Variants in EXOSC10 observed in about 807,000 individuals in gnomAD.
EXOSC10 encodes exosome component 10.
EXOSC10 carries 94 observed loss-of-function variants against 126.6 expected under a neutral mutation model. The observed-to-expected ratio is 0.74, with a 90% CI of 0.63 to 0.88. The LOEUF is 0.88. Among genes scored for constraint, EXOSC10 ranks in the 40% least tolerant of loss-of-function variants. EXOSC10 has a pLI of 0.00. For synonymous variants in EXOSC10, 395 were observed against 400.8 expected (o/e 0.99, Z 0.17); for missense variants, 1,041 against 1,100.5 (o/e 0.95, Z 0.77).
At chr1:11,071,241 G>A in intron 20 of EXOSC10, 1 of 449,808 alleles carries the variant, frequency 2.2e-6, no homozygotes, top group Non-Finnish European at 3.9e-6. Context: ...GTGGCCTGTG[G>A]ACCTGAGGGC....
chr1:11,090,811 G>T, intron 5 of EXOSC10, 143 bp from the exon 6 acceptor site: 1 of 809,360 alleles, frequency 1.2e-6, no homozygotes. Context: ...AAGTGTGGTG[G>T]CACAAGCACA....
chr1:11,071,995 A>G, intron 20 of EXOSC10, 92 bp downstream of exon 20: 2 of 1,037,170 alleles, frequency 1.9e-6, no homozygotes, highest in Non-Finnish European at 2.9e-6. Context: ...CAGGGGCTTC[A>G]TTCATCGCCG....
At chr1:11,077,503 T>G in intron 15 of EXOSC10, 60 bp from the exon 16 acceptor site, 1 of 1,601,886 alleles carries the variant, frequency 6.2e-7, no homozygotes, top group Non-Finnish European at 8.6e-7. Flanking sequence ...AGTAGCTTTC[T>G]GCCAGCTGTC....
chr1:11,079,960 A>G (rs1640054697), intron 13 of EXOSC10, 138 bp from the exon 14 acceptor site: 4 of 696,088 alleles, frequency 5.7e-6, no homozygotes, highest in African/African-American at 1.8e-5. Flanking sequence ...GGAAACACTG[A>G]TGTCAGGCCA....
Position 11,091,002 on chromosome 1 carries a change from T to C in EXOSC10, c.643+12A>G. The C allele has an allele frequency of 6.2e-7, 1 of 1,612,710 alleles. No individual in the cohort carries two copies. Among genetic ancestry groups the C allele is most frequent in the Non-Finnish European group, 8.5e-7 (1 of 1,179,366 alleles). ...GTGAGACTCAAACACAGGCAAAGTA[T>C]GCACTATTTACCTTGAGGGAGAGGT... On this transcript the variant is annotated intron_variant, in intron 5 of 24. Coordinates refer to ENST00000376936, the MANE Select transcript of EXOSC10 (RefSeq NM_001001998.3).
intron 4 of EXOSC10, among the ~76,000 whole-genome samples, 156 bp from the exon 5 acceptor site, chr1:11,091,335 A>G (rs1172685291): frequency 6.6e-6 from 1 of 152,222 alleles, no homozygotes; most frequent in African/African-American, 2.4e-5. Flanking sequence ...GAAAGAGAAG[A>G]AGAGGGTGTA....
intron 10 of EXOSC10, among the ~76,000 whole-genome samples, 160 bp from the exon 11 acceptor site, chr1:11,081,398 G>A (rs868480757): frequency 2.6e-5 from 4 of 152,196 alleles, no homozygotes; most frequent in Admixed American, 1.3e-4. Flanking sequence ...ATTTTAACAT[G>A]ATAAACCATT....
At chr1:11,074,959 C>A (rs151324165) in intron 17 of EXOSC10, among the ~76,000 whole-genome samples, 137 of 152,220 alleles carry the variant, frequency 9.0e-4, no homozygotes, top group African/African-American at 3.2e-3. Flanking sequence ...TACAAGCAGA[C>A]CAAGGATCTA....
At chr1:11,066,838 C>CAGAACAGAGGA in intron 24 of EXOSC10, 90 bp from the exon 25 acceptor site, 1 of 1,488,050 alleles carries the variant, frequency 6.7e-7, no homozygotes, top group Non-Finnish European at 9.4e-7. Flanking sequence ...CTTAATCATG[C>CAGAACAGAGGA]AGAACAGAGG....
chr1:11,086,885 C>T (rs1166891920), intron 9 of EXOSC10, among the ~76,000 whole-genome samples: 6 of 152,158 alleles, frequency 3.9e-5, no homozygotes, highest in Admixed American at 6.6e-5. Context: ...CCAAAACTGA[C>T]ACCCTAACAT....
chr1:11,094,651 A>G (rs1640974251), intron 3 of EXOSC10, among the ~76,000 whole-genome samples: 2 of 139,378 alleles, frequency 1.4e-5, no homozygotes, highest in Non-Finnish European at 1.5e-5. Context: ...TCCAGGCTGG[A>G]GTGCAGTGGC....
At chr1:11,094,594 C>A (rs1415224599) in intron 3 of EXOSC10, among the ~76,000 whole-genome samples, 2 of 150,636 alleles carry the variant, frequency 1.3e-5, no homozygotes, top group Non-Finnish European at 2.9e-5. Context: ...AACCACCATG[C>A]CAGGCCACCT....
intron 1 of EXOSC10, 108 bp from the exon 2 acceptor site, chr1:11,098,264 A>T (rs954083249): frequency 7.4e-6 from 10 of 1,345,598 alleles, no homozygotes; most frequent in Non-Finnish European, 9.8e-6. Context: ...CATCCATCAA[A>T]AAAAGCACTC....
At chr1:11,077,740 C>A (rs966178903) in intron 14 of EXOSC10, 89 bp from the exon 15 acceptor site, 39 of 1,136,214 alleles carry the variant, frequency 3.4e-5, no homozygotes, top group Middle Eastern at 2.9e-4. Flanking sequence ...TATTCCTTCA[C>A]CAGCCTGTTT....
chr1:11,082,485 C>T, intron 10 of EXOSC10: 7 of 1,294,808 alleles, frequency 5.4e-6, no homozygotes, highest in Non-Finnish European at 7.2e-6. Flanking sequence ...CACAGTGTAA[C>T]TGCATCAGCC....
At chr1:11,068,897 C>A (rs1031197328) in intron 22 of EXOSC10, 191 bp from the exon 23 acceptor site, 3 of 601,100 alleles carry the variant, frequency 5.0e-6, no homozygotes, top group African/African-American at 3.7e-5. Context: ...TGTGGGCAGT[C>A]TGAAAACCAG....
rs974747101 is a variant in EXOSC10 at position 11,067,934 on chromosome 1, C to T, written c.2627+74G>A. On this transcript the variant is annotated intron_variant, in intron 24 of 24. Coordinates refer to ENST00000376936, the MANE Select transcript of EXOSC10 (RefSeq NM_001001998.3). The stretch of plus-strand genomic sequence containing the variant: ...CTGGACACTCGCTCCCCAGCTACTC[C>T]CCACGGACCACACCACGCAGGGCAG... 18 of 1,335,748 alleles carry T rather than the reference C, an allele frequency of 1.3e-5. No individual in the cohort carries two copies. The South Asian group carries it at 1.6e-4, about 12-fold the overall frequency. The allele number at this position is 1,335,748 out of a possible 1,614,324, so 82.7% of individuals were successfully genotyped here.
In EXOSC10 at chr1:11,097,188, C is replaced by G. The variant is rs553409731; in HGVS notation, c.248+832G>C. Reference sequence around the variant, plus strand: ...TCACGCCACTGCACTTCAGCCTGGGCGACAGAGCAAGACTCCGTACTCCCC... The same window carrying G: ...TCACGCCACTGCACTTCAGCCTGGGGGACAGAGCAAGACTCCGTACTCCCC... On this transcript the variant is annotated intron_variant, in intron 2 of 24. Coordinates refer to ENST00000376936, the MANE Select transcript of EXOSC10 (RefSeq NM_001001998.3). Among the ~76,000 whole-genome samples, 65 of 150,284 alleles carry G rather than the reference C, an allele frequency of 4.3e-4. 1 individual carries two copies. The highest frequency in any genetic ancestry group is 1.8e-4 in the Non-Finnish European group (12 of 67,650).
At chr1:11,099,180 T>G (rs1206383633) in intron 1 of EXOSC10, among the ~76,000 whole-genome samples, 1 of 152,230 alleles carries the variant, frequency 6.6e-6, no homozygotes, top group Non-Finnish European at 1.5e-5. Context: ...TTAAGCTAAG[T>G]TATACAAAGA....
Sources: allele counts gnomAD v4.1 joint callset (sites outside exome capture counted in the v4.1 genomes callset), GRCh38; gene constraint gnomAD v4.1.1; transcripts MANE v1.5; gene names NCBI Gene and HGNC (gene_info 2026-07-23, HGNC 2026-07-21).